The following CEP68 variants were observed in gnomAD, a reference collection of about 807,000 sequenced individuals.
The protein encoded by CEP68 is centrosomal protein of 68 kDa.
A neutral mutation model predicts 55.3 loss-of-function variants in CEP68; 26 were observed. That is an observed-to-expected ratio of 0.47 (90% confidence interval 0.34 to 0.65). The LOEUF (loss-of-function observed/expected upper bound fraction) is 0.65, where lower values mean the gene tolerates loss of function less well. CEP68 is among the 30% of genes least tolerant of loss of function. The pLI is 0.01. For synonymous variants in CEP68, 402 were observed against 383.2 expected (o/e 1.05, Z -0.57); for missense variants, 957 against 946.7 (o/e 1.01, Z -0.14).
intron 5 of CEP68, among the ~76,000 whole-genome samples, chr2:65,078,804 A>G (rs547167342): frequency 1.3e-5 from 2 of 152,304 alleles, no homozygotes; most frequent in South Asian, 4.1e-4. Flanking sequence ...TCAGCCTCCC[A>G]GAGTGCTGGG....
intron 4 of CEP68, 46 bp downstream of exon 4, chr2:65,074,450 G>GC: frequency 6.2e-7 from 1 of 1,613,332 alleles, no homozygotes; most frequent in Non-Finnish European, 8.5e-7. Context: ...CAAGAGTGTG[G>GC]CTAAATTACT....
chr2:65,056,708 C>T (rs1313942089), intron 1 of CEP68, among the ~76,000 whole-genome samples, 180 bp downstream of exon 1: 4 of 152,056 alleles, frequency 2.6e-5, no homozygotes, highest in South Asian at 2.1e-4. Context: ...CACAAAGGCT[C>T]CCTGGGGGGC....
intron 5 of CEP68, among the ~76,000 whole-genome samples, chr2:65,079,286 A>G (rs1296941817): frequency 2.6e-5 from 4 of 152,184 alleles, no homozygotes; most frequent in Admixed American, 6.5e-5. Flanking sequence ...TATTGGCCGC[A>G]TGATTTTGTG....
chr2:65,063,995 A>G (rs754677318), intron 1 of CEP68, among the ~76,000 whole-genome samples: 1 of 152,248 alleles, frequency 6.6e-6, no homozygotes, highest in Non-Finnish European at 1.5e-5. Flanking sequence ...GGGGAAAAGC[A>G]TGATTTGTCA....
chr2:65,060,598 T>G (rs35389602), intron 1 of CEP68, among the ~76,000 whole-genome samples: 2,534 of 152,164 alleles, frequency 0.017, 27 homozygotes, highest in Middle Eastern at 0.027. Context: ...ATAAAAACTG[T>G]CAGTATAGTA....
intron 5 of CEP68, 39 bp downstream of exon 5, chr2:65,078,003 T>C (rs777314861): frequency 2.6e-6 from 4 of 1,520,548 alleles, no homozygotes. Flanking sequence ...CAGAGCTTAA[T>C]CCCTGTCAGC....
intron 4 of CEP68, chr2:65,074,667 C>A: frequency 2.3e-6 from 1 of 429,280 alleles, no homozygotes; most frequent in Non-Finnish European, 4.3e-6. Flanking sequence ...CTGGCAGGTG[C>A]AGTGGGACAA....
intron 6 of CEP68, among the ~76,000 whole-genome samples, chr2:65,082,928 G>A (rs1054387386): frequency 2.6e-5 from 4 of 152,204 alleles, no homozygotes; most frequent in South Asian, 2.1e-4. Context: ...GCCTGCTGAG[G>A]ATGAGGGTGC....
chr2:65,076,736 A>G (rs1262303328), intron 4 of CEP68, among the ~76,000 whole-genome samples: 2 of 152,168 alleles, frequency 1.3e-5, no homozygotes, highest in Non-Finnish European at 2.9e-5. Flanking sequence ...GAAGACAGGA[A>G]AATAGTAAAT....
chr2:65,059,606 G>C (rs1286822033), intron 1 of CEP68, among the ~76,000 whole-genome samples: 1 of 152,170 alleles, frequency 6.6e-6, no homozygotes, highest in African/African-American at 2.4e-5. Flanking sequence ...TTGAAGACAA[G>C]GGCCATAAAT....
At position 65,071,786 on chromosome 2, in the gene CEP68, G is replaced by T. The variant is rs747933628; in HGVS notation, c.690G>T (p.Pro230=). The change falls in exon 3 of 7, where the codon CCG becomes CCT. Residue 230 remains proline, a synonymous_variant. Transcript: ENST00000377990. ...CCAAGGTCTCCTCCTCCCTGGAGCC[G>T]GTCGTCCCCCAGGAACCTTCCTCTG... ...SLAKVSSSLE[P]VVPQEPSSVV... 1.2e-6 allele frequency: 2 copies of T among 1,611,182 alleles called. No individual in the cohort carries two copies. The highest frequency in any genetic ancestry group is 1.7e-6 in the Non-Finnish European group (2 of 1,178,144).
chr2:65,068,556 C>G (rs1676307543), intron 1 of CEP68, among the ~76,000 whole-genome samples: 1 of 152,232 alleles, frequency 6.6e-6, no homozygotes, highest in Admixed American at 6.5e-5. Context: ...TCTTTGGTCA[C>G]TGGCCATCCT....
rs41285945 is a variant in CEP68 at position 65,069,611 on chromosome 2, G to A, written c.167G>A (p.Trp56Ter). 1 of 1,613,962 alleles carries A rather than the reference G, an allele frequency of 6.2e-7. No homozygotes were observed. Among genetic ancestry groups the A allele is most frequent in the Non-Finnish European group, 8.5e-7 (1 of 1,180,008 alleles). ...GAGGGAGGGCTCATCTCCCCTGTATGGGGGGCAGAAGGGATACCTGCCCCT... is the reference window on the plus strand; with the variant it reads ...GAGGGAGGGCTCATCTCCCCTGTATAGGGGGCAGAAGGGATACCTGCCCCT... ...EAEGGLISPVWGAEGIPAPTC... is the reference protein window; with the variant it reads ...EAEGGLISPV The change falls in exon 2 of 7, where the codon TGG (tryptophan) becomes TAG (stop). Residue 56 changes from tryptophan (W) to a stop codon, truncating the protein, a stop_gained. Transcript: ENST00000377990. LOFTEE classifies it high-confidence loss of function.
At chr2:65,060,762 A>G (rs2249105) in intron 1 of CEP68, among the ~76,000 whole-genome samples, 60,890 of 151,914 alleles carry the variant, frequency 0.4, 12,526 homozygotes, top group Middle Eastern at 0.48. Context: ...ATCCTTGTAC[A>G]TTGAGCTTTG....
At chr2:65,081,356 G>T (rs1246256213) in intron 5 of CEP68, among the ~76,000 whole-genome samples, 6 of 152,190 alleles carry the variant, frequency 3.9e-5, no homozygotes, top group Admixed American at 6.5e-5. Context: ...ACACCGCACT[G>T]ATGTGGCTTC....
chr2:65,074,772 C>G (rs2270330), intron 4 of CEP68: 66 of 242,944 alleles, frequency 2.7e-4, no homozygotes, highest in Admixed American at 7.9e-4. Context: ...AGACCCCCCC[C>G]CCTCAAAAAA....
chr2:65,069,273 G>A, intron 1 of CEP68, 126 bp from the exon 2 acceptor site: 2 of 567,476 alleles, frequency 3.5e-6, no homozygotes, highest in Non-Finnish European at 6.2e-6. Flanking sequence ...CTCTGAGGAA[G>A]TAGTCACCAT....
intron 1 of CEP68, among the ~76,000 whole-genome samples, chr2:65,066,746 ATATAT>A (rs1474555441): frequency 0.026 from 953 of 37,280 alleles, 14 homozygotes; most frequent in Admixed American, 0.038. Context: ...AAAAAAAAAA[ATATAT>A]ATATATATAT....
At chr2:65,071,097 T>C (rs1016708250) in intron 2 of CEP68, 17 of 265,320 alleles carry the variant, frequency 6.4e-5, no homozygotes, top group African/African-American at 3.1e-4. Flanking sequence ...AGCGACAGAG[T>C]GATTGAGGGT....
Sources: gnomAD v4.1 joint callset for allele counts (sites outside exome capture counted in the v4.1 genomes callset) on GRCh38, gnomAD v4.1.1 for gene constraint, MANE v1.5 for transcripts, NCBI Gene and HGNC (gene_info 2026-07-23, HGNC 2026-07-21) for gene names.